Variants in ZBBX observed in about 807,000 individuals in gnomAD.
The protein encoded by ZBBX is zinc finger B-box domain-containing protein 1.
ZBBX carries 101 observed loss-of-function variants against 108.5 expected under a neutral mutation model. That is an observed-to-expected ratio of 0.93 (90% CI 0.79 to 1.10). The LOEUF is 1.10. ZBBX is among the 50% of genes least tolerant of loss of function. The pLI, the probability that ZBBX is intolerant of heterozygous loss-of-function variation, is 0.00. For missense variants in ZBBX, 1,009 were observed against 941.4 expected (o/e 1.07, Z -0.94); for synonymous variants, 356 against 323.4 (o/e 1.10, Z -1.08).
chr3:167,314,214 A>C (rs534519913), intron 15 of ZBBX, 98 bp from the exon 16 acceptor site: 15 of 954,302 alleles, frequency 1.6e-5, no homozygotes, highest in East Asian at 1.1e-4. Context: ...ATATAGTAAA[A>C]CTTTAATAGG....
chr3:167,320,969 G>A (rs1736344554), intron 12 of ZBBX, among the ~76,000 whole-genome samples: 1 of 152,010 alleles, frequency 6.6e-6, no homozygotes, highest in Non-Finnish European at 1.5e-5. Context: ...TCCTGGACTG[G>A]ATCCTGGAAT....
chr3:167,305,495 G>T, intron 17 of ZBBX, 148 bp downstream of exon 17: 1 of 550,548 alleles, frequency 1.8e-6, no homozygotes, highest in East Asian at 3.4e-5. Flanking sequence ...TCTCCCGTAT[G>T]AGTCACTCTT....
At chr3:167,317,203 T>A (rs1392332265) in intron 13 of ZBBX, 98 bp from the exon 14 acceptor site, 1 of 782,652 alleles carries the variant, frequency 1.3e-6, no homozygotes, top group Non-Finnish European at 2.0e-6. Context: ...AGTGTTCTCA[T>A]GTGTATCTAC....
At chr3:167,293,833 CA>C (rs1731145681) in intron 18 of ZBBX, among the ~76,000 whole-genome samples, 1 of 152,146 alleles carries the variant, frequency 6.6e-6, no homozygotes. Flanking sequence ...AGCTGATAAG[CA>C]ACTTCAGCAA....
chr3:167,330,865 G>GAAGAACAAGAAGA (rs1553820632), intron 10 of ZBBX, among the ~76,000 whole-genome samples: 1 of 21,822 alleles, frequency 4.6e-5, no homozygotes, highest in Non-Finnish European at 9.7e-5. Context: ...GGAGGAGGAG[G>GAAGAACAAGAAGA]AGGAGGAGAA....
At chr3:167,189,887 T>A in the ZBBX span, among the ~76,000 whole-genome samples, 2 of 152,216 alleles carry the variant, frequency 1.3e-5, no homozygotes, top group Non-Finnish European at 2.9e-5. Flanking sequence ...AATTCCACCA[T>A]TGCAGCAGAC....
chr3:167,219,750 AAAT>A, the ZBBX span, among the ~76,000 whole-genome samples: 2 of 151,940 alleles, frequency 1.3e-5, no homozygotes, highest in South Asian at 4.1e-4. Flanking sequence ...AGAAGAAAAT[AAAT>A]AATAATGATT....
chr3:167,244,409 A>C (rs1721207993), intron 20 of ZBBX, among the ~76,000 whole-genome samples: 1 of 152,218 alleles, frequency 6.6e-6, no homozygotes, highest in Non-Finnish European at 1.5e-5. Context: ...TTTGATCTAA[A>C]GAATACCAGC....
At position 167,390,215 on chromosome 3, in the gene ZBBX, T is replaced by C. The variant is rs534402743; in HGVS notation, c.-445-9810A>G. 2.0e-4 allele frequency among the ~76,000 whole-genome samples: 31 copies of C among 152,270 alleles called. 1 individual carries two copies. Among genetic ancestry groups the C allele is most frequent in the African/African-American group, 7.0e-4 (29 of 41,558 alleles). On this transcript the variant is annotated intron_variant, in intron 1 of 21. Transcript: ENST00000455345. ...AGTTTTCCTAGCACCATTTATTAAA[T>C]AGGGAATTATTTCCCCATTGCTTGT...
chr3:167,229,291 G>A, the ZBBX span, among the ~76,000 whole-genome samples: 1 of 151,660 alleles, frequency 6.6e-6, no homozygotes, highest in Admixed American at 6.6e-5. Context: ...CTTAAGACCC[G>A]AATTAAACGT....
At position 167,333,107 on chromosome 3, in the gene ZBBX, C is replaced by T. The variant is rs1374407689; in HGVS notation, c.687+720G>A. On this transcript the variant is annotated intron_variant, in intron 10 of 21. Transcript: ENST00000675490. The stretch of plus-strand genomic sequence containing the variant: ...GAAAATAGGTCCTACTAGCATAGAA[C>T]ACATTTTCTTTTATGTCTATGAGCA... 3.3e-5 allele frequency among the ~76,000 whole-genome samples: 5 copies of T among 151,850 alleles called. No individual in the cohort carries two copies. In the East Asian group the frequency reaches 5.8e-4, roughly 18 times the overall value.
the ZBBX span, among the ~76,000 whole-genome samples, chr3:167,204,198 C>CTTTTTTTTTT: frequency 3.4e-5 from 4 of 118,104 alleles, no homozygotes; most frequent in Non-Finnish European, 7.3e-5. Flanking sequence ...TTCTTTTTTT[C>CTTTTTTTTTT]TTTTTTTTTT....
chr3:167,232,404 C>T, the ZBBX span, among the ~76,000 whole-genome samples: 17 of 151,876 alleles, frequency 1.1e-4, no homozygotes, highest in African/African-American at 1.9e-4. Context: ...CAGGAAGAGG[C>T]ACATCCTTGG....
chr3:167,249,644 T>A (rs1294226252), intron 20 of ZBBX, among the ~76,000 whole-genome samples: 1 of 152,324 alleles, frequency 6.6e-6, no homozygotes, highest in East Asian at 1.9e-4. Flanking sequence ...AGTTTTCAGA[T>A]GACCCTGATA....
the ZBBX span, among the ~76,000 whole-genome samples, chr3:167,230,915 G>A: frequency 2.3e-3 from 351 of 151,918 alleles, 2 homozygotes; most frequent in Non-Finnish European, 3.7e-3. Flanking sequence ...GGTCAGGTGG[G>A]AGTGGTGGAG....
chr3:167,379,490 G>A (rs1002486228), intron 2 of ZBBX, 148 bp downstream of exon 2: 2 of 152,162 alleles, frequency 1.3e-5, no homozygotes, highest in Non-Finnish European at 2.9e-5. Context: ...TTGGAGAAAG[G>A]CAGAGGGAGT....
At position 167,348,128 on chromosome 3, in the gene ZBBX, G is replaced by A. The variant is rs527348522; in HGVS notation, c.528+2292C>T. Among the ~76,000 whole-genome samples, 3 of 150,366 alleles carry A rather than the reference G, an allele frequency of 2.0e-5. No individual in the cohort carries two copies. The East Asian group carries it at 5.9e-4, about 30-fold the overall frequency. ...ATCAAAACCAAAGAATGTGATGCTG[G>A]CAGTATCTTAAGTGTTCTTACCATG... is the stretch of plus-strand genomic sequence containing the variant. On this transcript the variant is annotated intron_variant, in intron 9 of 21. Coordinates refer to ENST00000675490, the MANE Select transcript of ZBBX (RefSeq NM_001199201.2).
intron 8 of ZBBX, among the ~76,000 whole-genome samples, chr3:167,353,299 C>T (rs1742981224): frequency 6.6e-6 from 1 of 152,072 alleles, no homozygotes; most frequent in South Asian, 2.1e-4. Context: ...TGGAATACTA[C>T]TCCACTATGA....
intron 20 of ZBBX, among the ~76,000 whole-genome samples, chr3:167,280,319 C>G (rs1728555221): frequency 1.3e-5 from 2 of 151,166 alleles, no homozygotes; most frequent in Admixed American, 6.6e-5. Context: ...AACAGGTAAC[C>G]TATAAAATGG....
Sources: allele counts gnomAD v4.1 joint callset (sites outside exome capture counted in the v4.1 genomes callset), GRCh38; gene constraint gnomAD v4.1.1; transcripts MANE v1.5; gene names NCBI Gene and HGNC (gene_info 2026-07-23, HGNC 2026-07-21).